Variants in RB1CC1 observed in about 807,000 individuals in gnomAD.
The protein encoded by RB1CC1 is RB1 inducible coiled-coil 1, also known as RB1-inducible coiled-coil protein 1.
RB1CC1 carries 46 observed loss-of-function variants against 177.5 expected under a neutral mutation model. The observed-to-expected ratio is 0.26, with a 90% CI of 0.20 to 0.33. RB1CC1 has a LOEUF of 0.33. Ranked by LOEUF, RB1CC1 falls within the 10% of genes least tolerant of loss-of-function variation. The pLI is 1.00. For missense variants in RB1CC1, 1,703 were observed against 1,816.3 expected (o/e 0.94, Z 1.13); for synonymous variants, 666 against 613.6 (o/e 1.09, Z -1.26).
chr8:52,673,507 C>T lies in RB1CC1; in HGVS notation c.1002+338G>A, dbSNP rs117537920. On this transcript the variant is annotated intron_variant, in intron 7 of 23. Coordinates refer to ENST00000025008, the MANE Select transcript of RB1CC1 (RefSeq NM_014781.5). ...GAAATAGTGACTGGAAAGAGTCACA[C>T]GGGGACTTTCTGGGCAATGAAATTT... is the stretch of plus-strand genomic sequence containing the variant. Among the ~76,000 whole-genome samples the T allele has an allele frequency of 7.2e-5, 11 of 152,204 alleles. No individual in the cohort carries two copies. The East Asian group carries it at 1.2e-3, about 16-fold the overall frequency.
chr8:52,627,469 TACTTAGGCTAAGTACACC>T (rs1157332728), intron 22 of RB1CC1, among the ~76,000 whole-genome samples: 20 of 152,234 alleles, frequency 1.3e-4, no homozygotes, highest in Admixed American at 1.3e-3. Flanking sequence ...AAAATAATTC[TACTTAGGCTAAGTACACC>T]AGGATATCTA....
chr8:52,662,478 GGTT>G (rs1358568781), intron 8 of RB1CC1, among the ~76,000 whole-genome samples: 2 of 151,894 alleles, frequency 1.3e-5, no homozygotes, highest in African/African-American at 4.8e-5. Flanking sequence ...AACTTAATAA[GGTT>G]ATTACTACAT....
chr8:52,659,724 G>A (rs993574408), intron 12 of RB1CC1, among the ~76,000 whole-genome samples: 3 of 152,216 alleles, frequency 2.0e-5, no homozygotes, highest in East Asian at 1.9e-4. Flanking sequence ...ATGGCTGGGC[G>A]TGGTGGCTCA....
intron 1 of RB1CC1, among the ~76,000 whole-genome samples, chr8:52,712,561 TAACA>T (rs887358575): frequency 1.4e-5 from 2 of 144,266 alleles, no homozygotes; most frequent in African/African-American, 5.1e-5. Context: ...TGTCGTCCAA[TAACA>T]AACATATAAA....
At chr8:52,644,801 T>C (rs1849875845) in intron 16 of RB1CC1, among the ~76,000 whole-genome samples, 1 of 152,202 alleles carries the variant, frequency 6.6e-6, no homozygotes, top group Non-Finnish European at 1.5e-5. Flanking sequence ...AATCATAACA[T>C]TTTAGGAAAA....
chr8:52,688,947 A>C (rs933638054), intron 1 of RB1CC1, among the ~76,000 whole-genome samples: 4 of 152,186 alleles, frequency 2.6e-5, no homozygotes, highest in Non-Finnish European at 5.9e-5. Context: ...GATGTCAAAG[A>C]AAAAATGTGG....
intron 15 of RB1CC1, among the ~76,000 whole-genome samples, chr8:52,648,869 T>C (rs942468230): frequency 2.6e-5 from 4 of 152,174 alleles, no homozygotes; most frequent in Non-Finnish European, 5.9e-5. Flanking sequence ...CTTTTTGGCA[T>C]ATCCAAATTG....
At chr8:52,687,232 T>C (rs568257482) in intron 1 of RB1CC1, among the ~76,000 whole-genome samples, 1 of 152,256 alleles carries the variant, frequency 6.6e-6, no homozygotes, top group East Asian at 1.9e-4. Context: ...TAAAGAAGTA[T>C]CCAGGCAGTG....
rs1563398611 is a variant in RB1CC1, at chr8:52,661,281, C to T, written c.1359G>A (p.Lys453=). The change falls in exon 10 of 24, where the codon AAG becomes AAA. Residue 453 remains lysine, a splice_region_variant and synonymous_variant. Transcript: ENST00000025008. ...ELANNLHVRL[K]WCCFVMLHAD... is the part of the protein sequence containing the mutation. ...CATGAAGCATTACAAAGCAACACCACCTAGAGAATAAAATCCATTATTTTC... is the reference window on the plus strand; with the variant it reads ...CATGAAGCATTACAAAGCAACACCATCTAGAGAATAAAATCCATTATTTTC... 1 of 1,609,004 alleles carries T rather than the reference C, an allele frequency of 6.2e-7. No homozygotes were observed. The highest frequency in any genetic ancestry group is 8.5e-7 in the Non-Finnish European group (1 of 1,178,900).
Position 52,661,268 on chromosome 8 carries a change from C to T in RB1CC1, c.1372G>A (p.Val458Ile). Residue 458 changes from valine (V) to isoleucine (I), a missense_variant, in exon 10 of 24, where the codon GTA (valine) becomes ATA (isoleucine). This residue lies in a region of RB1CC1 where 1,169 missense variants were observed against 1,184.7 expected (regional missense o/e 0.99). Transcript: ENST00000025008. ...LHVRLKWCCF[V>I]MLHADQDGEK... Reference sequence around the variant, plus strand: ...CCATCTTGATCAGCATGAAGCATTACAAAGCAACACCACCTAGAGAATAAA... The same window carrying T: ...CCATCTTGATCAGCATGAAGCATTATAAAGCAACACCACCTAGAGAATAAA... 1 of 1,612,620 alleles carries T rather than the reference C, an allele frequency of 6.2e-7. No homozygotes were observed. Among genetic ancestry groups the T allele is most frequent in the Non-Finnish European group, 8.5e-7 (1 of 1,179,636 alleles).
At chr8:52,650,883 T>C (rs561843114) in intron 15 of RB1CC1, among the ~76,000 whole-genome samples, 2 of 152,338 alleles carry the variant, frequency 1.3e-5, no homozygotes, top group East Asian at 1.9e-4. Context: ...ACAGCCTTTT[T>C]CTACCTTGTC....
At chr8:52,693,804 G>C (rs1855118766) in intron 1 of RB1CC1, among the ~76,000 whole-genome samples, 1 of 152,134 alleles carries the variant, frequency 6.6e-6, no homozygotes, top group South Asian at 2.1e-4. Context: ...AGGAGGGACA[G>C]CATCAGGAAG....
At chr8:52,683,769 C>G (rs755081049) in intron 4 of RB1CC1, 50 bp from the exon 5 acceptor site, 8 of 1,558,414 alleles carry the variant, frequency 5.1e-6, no homozygotes, top group East Asian at 4.5e-5. Context: ...GTTATAAATA[C>G]TGAGCGTGCA....
intron 5 of RB1CC1, among the ~76,000 whole-genome samples, chr8:52,679,467 A>G (rs964496564): frequency 2.0e-5 from 3 of 152,178 alleles, no homozygotes; most frequent in African/African-American, 7.2e-5. Flanking sequence ...TAAATTATGT[A>G]TTGAGTGAAA....
At chr8:52,634,419 G>A (rs746475643) in intron 20 of RB1CC1, among the ~76,000 whole-genome samples, 25 of 151,924 alleles carry the variant, frequency 1.6e-4, no homozygotes, top group Non-Finnish European at 2.9e-4. Context: ...CCAGCTACTC[G>A]GGAGGCTAAT....
chr8:52,712,158 A>G (rs1235440182), intron 1 of RB1CC1, among the ~76,000 whole-genome samples: 2 of 152,230 alleles, frequency 1.3e-5, no homozygotes, highest in African/African-American at 2.4e-5. Flanking sequence ...AGATTTTCAA[A>G]GTGTCTTAGG....
intron 1 of RB1CC1, among the ~76,000 whole-genome samples, chr8:52,713,483 G>C (rs1281745433): frequency 6.6e-6 from 1 of 152,194 alleles, no homozygotes; most frequent in East Asian, 1.9e-4. Flanking sequence ...CGTGGGGCGG[G>C]CGCAGGCTGA....
At chr8:52,660,691 G>A (rs943084337) in intron 11 of RB1CC1, 34 bp from the exon 12 acceptor site, 5 of 1,547,464 alleles carry the variant, frequency 3.2e-6, no homozygotes, top group Admixed American at 2.1e-5. Flanking sequence ...GGTTATTTTA[G>A]AGCTTTATTT....
chr8:52,690,896 G>A (rs1264905597), intron 1 of RB1CC1, among the ~76,000 whole-genome samples: 1 of 152,118 alleles, frequency 6.6e-6, no homozygotes, highest in African/African-American at 2.4e-5. Context: ...CTGAACTACT[G>A]TAATTTGCAG....
Sources: allele counts gnomAD v4.1 joint callset (sites outside exome capture counted in the v4.1 genomes callset), GRCh38; gene constraint gnomAD v4.1.1; regional missense constraint gnomAD v4.1.1; transcripts MANE v1.5; gene names NCBI Gene and HGNC (gene_info 2026-07-23, HGNC 2026-07-21).